FRMPD1: variants seen among roughly 807,000 people sequenced by gnomAD.
The protein encoded by FRMPD1 is FERM and PDZ domain-containing protein 1.
A neutral mutation model predicts 117.8 loss-of-function variants in FRMPD1; 76 were observed. The ratio of observed to expected loss-of-function variants is 0.65; its 90% CI spans 0.54 to 0.78. FRMPD1 has a LOEUF of 0.78. Ranked by LOEUF, FRMPD1 falls within the 30% of genes least tolerant of loss-of-function variation. The pLI, the probability that FRMPD1 is intolerant of heterozygous loss-of-function variation, is 0.00. For synonymous variants in FRMPD1, 783 were observed against 770.4 expected, an observed-to-expected ratio of 1.02 and a Z score of -0.27; for missense variants, 1,786 against 1,964.5, an observed-to-expected ratio of 0.91 and a Z score of 1.72.
the FRMPD1 span, among the ~76,000 whole-genome samples, chr9:37,618,168 C>T: frequency 6.6e-6 from 1 of 152,138 alleles, no homozygotes; most frequent in African/African-American, 2.4e-5. Context: ...TCGGCAGGGA[C>T]AATACTGTGA....
At chr9:37,638,961 A>C in the FRMPD1 span, among the ~76,000 whole-genome samples, 2 of 152,136 alleles carry the variant, frequency 1.3e-5, no homozygotes, top group African/African-American at 2.4e-5. Context: ...GCCCACAGTA[A>C]TTTTTCGTAG....
At chr9:37,632,870 A>T in the FRMPD1 span, among the ~76,000 whole-genome samples, 70,705 of 149,522 alleles carry the variant, frequency 0.47, 17,273 homozygotes, top group South Asian at 0.57. Flanking sequence ...TAGACAGGTT[A>T]AAAAAATCCC....
chr9:37,707,277 G>T (rs6476659), intron 2 of FRMPD1, 139 bp from the exon 3 acceptor site: 132,311 of 621,860 alleles, frequency 0.21, 15,625 homozygotes, highest in Non-Finnish European at 0.25. Flanking sequence ...TAGTGGAGTT[G>T]GTGTCTTATT....
intron 2 of FRMPD1, among the ~76,000 whole-genome samples, chr9:37,698,662 A>G (rs1822419394): frequency 6.8e-6 from 1 of 147,674 alleles, no homozygotes; most frequent in Admixed American, 7.0e-5. Flanking sequence ...CCTGGGTTCA[A>G]GAGATTCTCC....
At chr9:37,687,489 C>T (rs58480676) in intron 1 of FRMPD1, among the ~76,000 whole-genome samples, 6,921 of 152,256 alleles carry the variant, frequency 0.045, 471 homozygotes, top group African/African-American at 0.15. Flanking sequence ...GAATTTCCAA[C>T]GGACTCGATC....
Position 37,744,466 on chromosome 9 carries a change from A to G in FRMPD1, c.2434A>G (p.Ser812Gly). ...GGCCAGCACTTCTAGCCCTGAGAAC[A>G]GCCTGCCTTGTGGGCCAGATGGAAG... The part of the protein sequence containing the change: ...NKASTSSPEN[S>G]LPCGPDGRQP... Residue 812 changes from serine to glycine, a missense_variant, in exon 16 of 16, where the codon AGC (serine) becomes GGC (glycine). Physicochemically the swap from Ser to Gly is moderately conservative, Grantham distance 56. Transcript: ENST00000377765. 6.2e-7 allele frequency: 1 copy of G among 1,614,154 alleles called. No homozygotes were observed. Among genetic ancestry groups the G allele is most frequent in the Non-Finnish European group, 8.5e-7 (1 of 1,180,012 alleles).
intron 2 of FRMPD1, 73 bp from the exon 3 acceptor site, chr9:37,707,343 T>C: frequency 7.7e-7 from 1 of 1,296,776 alleles, no homozygotes; most frequent in Non-Finnish European, 1.1e-6. Flanking sequence ...CCATGATGCT[T>C]AGGGCTGACC....
rs150203465 is a variant in FRMPD1, at chr9:37,712,042, G to A, written c.408+647G>A. On this transcript the variant is annotated intron_variant, in intron 5 of 15. Coordinates refer to ENST00000377765, the MANE Select transcript of FRMPD1 (RefSeq NM_014907.3). ...TGAGAAATTTTAATAGTACTTCTTA[G>A]CCTTGGCCACAAATAGACCAAAATA... 3.5e-3 allele frequency among the ~76,000 whole-genome samples: 536 copies of A among 152,224 alleles called. 3 individuals carry two copies. Among genetic ancestry groups the A allele is most frequent in the African/African-American group, 0.012 (509 of 41,524 alleles).
chr9:37,653,409 C>T (rs1407087831), intron 1 of FRMPD1, among the ~76,000 whole-genome samples: 1 of 152,110 alleles, frequency 6.6e-6, no homozygotes, highest in Non-Finnish European at 1.5e-5. Context: ...AGAACCTCAC[C>T]AGCAGCAGAG....
chr9:37,716,577 C>T (rs113450848), intron 5 of FRMPD1, among the ~76,000 whole-genome samples: 2 of 152,310 alleles, frequency 1.3e-5, no homozygotes, highest in South Asian at 2.1e-4. Flanking sequence ...ATTTATCTCC[C>T]GAAGGTGAGA....
chr9:37,674,522 A>T (rs1821458469), intron 1 of FRMPD1, among the ~76,000 whole-genome samples: 1 of 152,138 alleles, frequency 6.6e-6, no homozygotes, highest in Non-Finnish European at 1.5e-5. Context: ...ATTTTGGGGT[A>T]TCTTTTCAGC....
intron 5 of FRMPD1, among the ~76,000 whole-genome samples, chr9:37,714,593 T>TTATTA (rs1246564743): frequency 1.9e-5 from 1 of 54,000 alleles, no homozygotes; most frequent in African/African-American, 8.6e-5. Flanking sequence ...TTATTTTATT[T>TTATTA]TATTTTATTT....
At chr9:37,641,823 A>G in the FRMPD1 span, among the ~76,000 whole-genome samples, 1 of 152,128 alleles carries the variant, frequency 6.6e-6, no homozygotes, top group Non-Finnish European at 1.5e-5. Flanking sequence ...AACATCCCCC[A>G]GTTACTTTCA....
In FRMPD1 at chr9:37,740,197, G is replaced by A. The variant is rs1403754592; in HGVS notation, c.1669G>A (p.Glu557Lys). 2 of 1,613,994 alleles carry A rather than the reference G, an allele frequency of 1.2e-6. No individual in the cohort carries two copies. Among genetic ancestry groups the A allele is most frequent in the South Asian group, 1.1e-5 (1 of 91,082 alleles). Residue 557 changes from glutamate to lysine, a missense_variant, in exon 15 of 16, where the codon GAG becomes AAG. By Grantham distance (56) the Glu-to-Lys change is moderately conservative (BLOSUM62 1). Coordinates refer to ENST00000377765, the MANE Select transcript of FRMPD1 (RefSeq NM_014907.3). This position sits in a 1 kb window ranked among gnomAD's most constrained non-coding sequence, Gnocchi z 4.2. Reference sequence around the variant, plus strand: ...ACCCTGCAGATCACTCATAAAGGAGGAGCAGCCTCCTGGGAACAGCCCCAC... The same window carrying A: ...ACCCTGCAGATCACTCATAAAGGAGAAGCAGCCTCCTGGGAACAGCCCCAC... ...LAPCRSLIKE[E>K]QPPGNSPTPE...
intron 1 of FRMPD1, among the ~76,000 whole-genome samples, chr9:37,665,294 T>C (rs1486849098): frequency 6.6e-6 from 1 of 152,170 alleles, no homozygotes; most frequent in Non-Finnish European, 1.5e-5. Flanking sequence ...AAGAAAACTT[T>C]CAAAATTTTC....
At chr9:37,736,958 TG>T in intron 13 of FRMPD1, 137 bp from the exon 14 acceptor site, 1 of 669,694 alleles carries the variant, frequency 1.5e-6, no homozygotes. Context: ...AGTGAGGATA[TG>T]GGGCACCAGG....
intron 15 of FRMPD1, among the ~76,000 whole-genome samples, chr9:37,741,869 G>A (rs1337457712): frequency 2.0e-5 from 3 of 152,174 alleles, no homozygotes; most frequent in Non-Finnish European, 4.4e-5. Flanking sequence ...GTGCCCATCC[G>A]TCTATCAGAT....
the FRMPD1 span, chr9:37,637,149 T>A: frequency 1.2e-6 from 2 of 1,609,592 alleles, no homozygotes; most frequent in African/African-American, 2.7e-5. Flanking sequence ...AGCTCGATGG[T>A]TTGGATCTTG....
intron 6 of FRMPD1, among the ~76,000 whole-genome samples, chr9:37,722,935 C>T (rs754748673): frequency 1.3e-5 from 2 of 152,168 alleles, no homozygotes; most frequent in Non-Finnish European, 2.9e-5. Context: ...TTCTCCAAAA[C>T]CCTCTCCTGC....
Sources: allele counts gnomAD v4.1 joint callset (sites outside exome capture counted in the v4.1 genomes callset), GRCh38; gene constraint gnomAD v4.1.1; non-coding constraint Gnocchi (gnomAD v3.1); transcripts MANE v1.5; gene names NCBI Gene and HGNC (gene_info 2026-07-23, HGNC 2026-07-21).